The following PCDHA10 variants were observed in gnomAD, a reference collection of about 807,000 sequenced individuals.
PCDHA10 encodes the protein protocadherin alpha-10.
Under a neutral mutation model 61.2 loss-of-function variants are expected in PCDHA10, and 45 were observed. The observed-to-expected ratio is 0.74, with a 90% CI of 0.58 to 0.94. PCDHA10 has a LOEUF of 0.94. Among genes scored for constraint, PCDHA10 ranks in the 40% least tolerant of loss-of-function variants. The pLI, the probability that PCDHA10 is intolerant of heterozygous loss-of-function variation, is 0.00. For synonymous variants in PCDHA10, 602 were observed against 548.8 expected (o/e 1.10, Z -1.35); for missense variants, 1,278 against 1,236.2 (o/e 1.03, Z -0.51).
chr5:140,892,448 A>G (rs973072554), intron 1 of PCDHA10, among the ~76,000 whole-genome samples: 13 of 152,292 alleles, frequency 8.5e-5, no homozygotes, highest in African/African-American at 2.9e-4. Context: ...ATTTACATGT[A>G]TTCTTTAAGT....
chr5:140,915,312 C>T (rs781796761), intron 1 of PCDHA10, among the ~76,000 whole-genome samples: 2 of 152,122 alleles, frequency 1.3e-5, no homozygotes, highest in Non-Finnish European at 2.9e-5. Flanking sequence ...TTACATACCA[C>T]AATTACAGTG....
intron 3 of PCDHA10, among the ~76,000 whole-genome samples, chr5:140,985,288 A>G (rs1007960248): frequency 1.3e-5 from 2 of 152,112 alleles, no homozygotes; most frequent in African/African-American, 4.8e-5. Flanking sequence ...AATCTATGAT[A>G]TAGTGTTGGC....
intron 3 of PCDHA10, among the ~76,000 whole-genome samples, chr5:140,996,886 T>C (rs1396322934): frequency 6.6e-6 from 1 of 152,218 alleles, no homozygotes; most frequent in Non-Finnish European, 1.5e-5. Context: ...TATTTTTAAA[T>C]AAAATAGAAT....
chr5:140,857,408 T>C lies in PCDHA10; in HGVS notation c.1360T>C (p.Phe454Leu). 6.3e-7 allele frequency: 1 copy of C among 1,597,854 alleles called. No individual in the cohort carries two copies. Among genetic ancestry groups the C allele is most frequent in the Non-Finnish European group, 8.6e-7 (1 of 1,167,686 alleles). Reference protein sequence around the residue: ...VADVNDNAPAFAQSEYTVFVK... With the variant: ...VADVNDNAPALAQSEYTVFVK... ...CGACGTGAACGACAACGCGCCTGCG[T>C]TCGCGCAGTCCGAGTACACGGTGTT... is the stretch of plus-strand genomic sequence containing the variant. The change falls in exon 1 of 4, where the codon TTC becomes CTC. Residue 454 changes from phenylalanine (F) to leucine (L), a missense_variant. By Grantham distance (22) the Phe-to-Leu change is conservative. Coordinates refer to ENST00000307360, the MANE Select transcript of PCDHA10 (RefSeq NM_018901.4).
intron 1 of PCDHA10, chr5:140,929,369 G>A: frequency 6.6e-7 from 1 of 1,515,248 alleles, no homozygotes; most frequent in Admixed American, 2.2e-5. Context: ...CCCGGAGATG[G>A]CTGCTAGCTG....
chr5:140,863,449 A>G (rs1166397854), intron 1 of PCDHA10: 4 of 570,946 alleles, frequency 7.0e-6, no homozygotes, highest in Admixed American at 4.2e-5. Flanking sequence ...TACTCGCAGC[A>G]AAGGAGATTT....
In PCDHA10 at chr5:140,857,166, T is replaced by A. The variant is rs1554149611; in HGVS notation, c.1118T>A (p.Val373Asp). ...QVGTVIALIS[V>D]SDHDSGANGQ... ...GGCACCGTCATTGCCCTAATCAGCG[T>A]TTCTGACCATGATTCAGGAGCCAAC... Residue 373 changes from valine to aspartate, a missense_variant, in exon 1 of 4, where the codon GTT (valine) becomes GAT (aspartate). Val to Asp is a radical substitution (Grantham distance 152). Transcript: ENST00000307360. 3.1e-6 allele frequency: 5 copies of A among 1,598,172 alleles called. No homozygotes were observed. The African/African-American group carries it at 5.4e-5, about 17-fold the overall frequency.
At chr5:140,866,293 T>TAG (rs2049266972) in intron 1 of PCDHA10, 1 of 152,272 alleles carries the variant, frequency 6.6e-6, no homozygotes, top group East Asian at 1.9e-4. Context: ...GGGACAAGTA[T>TAG]AGATGTTGAT....
rs145968482 is a variant in PCDHA10, at chr5:140,977,336, C to G, written c.2389-1613C>G. Among the ~76,000 whole-genome samples, 133 of 152,262 alleles carry G rather than the reference C, an allele frequency of 8.7e-4. 2 individuals carry two copies. The highest frequency in any genetic ancestry group is 3.9e-4 in the East Asian group (2 of 5,188). On this transcript the variant is annotated intron_variant, in intron 1 of 3. Coordinates refer to ENST00000307360, the MANE Select transcript of PCDHA10 (RefSeq NM_018901.4). Reference sequence around the variant, plus strand: ...GTGCTCCTGATGGCGAGGGGAGAGACGGTGATGATGACTGATTGATAAAAA... The same window carrying G: ...GTGCTCCTGATGGCGAGGGGAGAGAGGGTGATGATGACTGATTGATAAAAA...
Position 140,858,363 on chromosome 5 carries a change from C to G in PCDHA10, c.2315C>G (p.Pro772Arg). ...LPKADLMAFS[P>R]SLPPCPMVDV... ...AAGGCGGACCTCATGGCCTTCAGCC[C>G]CAGCCTTCCACCATGCCCAATGGTA... Residue 772 changes from proline to arginine, a missense_variant, in exon 1 of 4, where the codon CCC (proline) becomes CGC (arginine). By Grantham distance (103) the Pro-to-Arg change is moderately radical. Coordinates refer to ENST00000307360, the MANE Select transcript of PCDHA10 (RefSeq NM_018901.4). The G allele has an allele frequency of 6.3e-7, 1 of 1,591,358 alleles. No homozygotes were observed. Among genetic ancestry groups the G allele is most frequent in the Non-Finnish European group, 8.6e-7 (1 of 1,163,504 alleles).
intron 1 of PCDHA10, among the ~76,000 whole-genome samples, chr5:140,895,655 A>G (rs2065093360): frequency 6.6e-6 from 1 of 152,154 alleles, no homozygotes. Context: ...TCCCACTTAT[A>G]AGTGAGAACA....
At chr5:140,967,695 T>G in intron 1 of PCDHA10, 1 of 1,614,184 alleles carries the variant, frequency 6.2e-7, no homozygotes, top group Non-Finnish European at 8.5e-7. Flanking sequence ...CTCTTCAGCA[T>G]AGATGCCAGT....
intron 1 of PCDHA10, chr5:140,871,073 C>T (rs782763189): frequency 1.1e-5 from 18 of 1,613,090 alleles, no homozygotes; most frequent in Non-Finnish European, 1.4e-5. Context: ...GGTGAGCCGG[C>T]GCTGACGGCC....
chr5:140,911,381 G>A (rs2075444647), intron 1 of PCDHA10, among the ~76,000 whole-genome samples: 1 of 152,116 alleles, frequency 6.6e-6, no homozygotes, highest in African/African-American at 2.4e-5. Context: ...GGCTGTGCAT[G>A]CACCTTTCAT....
intron 3 of PCDHA10, among the ~76,000 whole-genome samples, chr5:140,988,678 T>G (rs190740461): frequency 6.6e-6 from 1 of 152,314 alleles, no homozygotes. Context: ...CTAAGATAAT[T>G]CTTTCCCTAG....
rs781874204 is a variant in PCDHA10, at chr5:140,856,187, A to G, written c.139A>G (p.Ile47Val). ...EARHGTFVGRIAQDLGLELAE... is the reference protein window; with the variant it reads ...EARHGTFVGRVAQDLGLELAE... Reference sequence around the variant, plus strand: ...CAGACACGGCACCTTCGTGGGCCGCATCGCGCAGGACCTGGGGCTGGAGCT... The same window carrying G: ...CAGACACGGCACCTTCGTGGGCCGCGTCGCGCAGGACCTGGGGCTGGAGCT... The change falls in exon 1 of 4, where the codon ATC becomes GTC. Residue 47 changes from isoleucine to valine, a missense_variant. Coordinates refer to ENST00000307360, the MANE Select transcript of PCDHA10 (RefSeq NM_018901.4). 4 of 1,598,212 alleles carry G rather than the reference A, an allele frequency of 2.5e-6. No individual in the cohort carries two copies. The highest frequency in any genetic ancestry group is 2.7e-5 in the African/African-American group (2 of 74,432).
intron 1 of PCDHA10, among the ~76,000 whole-genome samples, chr5:140,903,229 T>G (rs2153479721): frequency 6.6e-6 from 1 of 152,340 alleles, no homozygotes; most frequent in Non-Finnish European, 1.5e-5. Context: ...CATCTATTAC[T>G]TTTTGATTTT....
intron 3 of PCDHA10, among the ~76,000 whole-genome samples, chr5:140,994,381 C>T (rs1339661887): frequency 6.6e-6 from 1 of 152,086 alleles, no homozygotes; most frequent in East Asian, 1.9e-4. Context: ...ATTCAGGGGA[C>T]TAAGTCAGAG....
At chr5:140,914,079 A>G (rs2076595090) in intron 1 of PCDHA10, among the ~76,000 whole-genome samples, 1 of 152,164 alleles carries the variant, frequency 6.6e-6, no homozygotes, top group South Asian at 2.1e-4. Context: ...ATAACTATCT[A>G]TTAGGTCAAT....
Sources: gnomAD v4.1 joint callset for allele counts (sites outside exome capture counted in the v4.1 genomes callset) on GRCh38, gnomAD v4.1.1 for gene constraint, MANE v1.5 for transcripts, NCBI Gene and HGNC (gene_info 2026-07-23, HGNC 2026-07-21) for gene names.